The following NDST3 variants were observed in gnomAD, a reference collection of about 807,000 sequenced individuals.
NDST3 encodes the protein N-deacetylase and N-sulfotransferase 3.
A neutral mutation model predicts 96.1 loss-of-function variants in NDST3; 58 were observed. The observed-to-expected ratio is 0.60, with a 90% CI of 0.49 to 0.75. The LOEUF (loss-of-function observed/expected upper bound fraction) is 0.75. Among genes scored for constraint, NDST3 ranks in the 30% least tolerant of loss-of-function variants. The probability of loss-of-function intolerance (pLI) is 0.00; values close to 1 mark genes in which losing one functional copy is unlikely to be tolerated. For synonymous variants in NDST3, 333 were observed against 359.7 expected (o/e 0.93, Z 0.84); for missense variants, 788 against 1,034.2 (o/e 0.76, Z 3.27).
chr4:118,037,418 CTG>C (rs1051349926), intron 1 of NDST3, among the ~76,000 whole-genome samples: 10 of 152,168 alleles, frequency 6.6e-5, no homozygotes, highest in African/African-American at 2.2e-4. Flanking sequence ...AATTGAGGCA[CTG>C]AGCGGTTACC....
intron 4 of NDST3, among the ~76,000 whole-genome samples, chr4:118,116,555 C>T (rs1347740357): frequency 6.6e-6 from 1 of 152,186 alleles, no homozygotes; most frequent in African/African-American, 2.4e-5. Flanking sequence ...TTTGGAAGTA[C>T]ATATCCTAAG....
At chr4:118,247,339 G>T (rs1166412523) in intron 12 of NDST3, among the ~76,000 whole-genome samples, 1 of 152,108 alleles carries the variant, frequency 6.6e-6, no homozygotes, top group African/African-American at 2.4e-5. Context: ...ATCACCCGAG[G>T]TCAGGAGTTC....
chr4:118,145,254 G>A (rs1197882818), intron 6 of NDST3, among the ~76,000 whole-genome samples: 1 of 152,170 alleles, frequency 6.6e-6, no homozygotes, highest in African/African-American at 2.4e-5. Flanking sequence ...TGAAGAAGCA[G>A]TTAAAACACT....
chr4:118,067,411 A>G (rs1726680690), intron 2 of NDST3, among the ~76,000 whole-genome samples: 2 of 152,212 alleles, frequency 1.3e-5, no homozygotes, highest in East Asian at 3.9e-4. Flanking sequence ...CTTATGTGAT[A>G]CAGGGACACT....
chr4:118,228,741 TC>T (rs1553947156), intron 8 of NDST3, among the ~76,000 whole-genome samples: 1 of 151,626 alleles, frequency 6.6e-6, no homozygotes, highest in Non-Finnish European at 1.5e-5. Context: ...TTGCAGTCTA[TC>T]CCCCCCGATC....
At chr4:118,149,505 CT>C (rs1734223133) in intron 6 of NDST3, among the ~76,000 whole-genome samples, 1 of 137,268 alleles carries the variant, frequency 7.3e-6, no homozygotes, top group Non-Finnish European at 1.6e-5. Flanking sequence ...GTATTTTATT[CT>C]CTTTGAAGCA....
At chr4:118,042,507 A>G (rs1188249531) in intron 1 of NDST3, among the ~76,000 whole-genome samples, 1 of 152,084 alleles carries the variant, frequency 6.6e-6, no homozygotes, top group Non-Finnish European at 1.5e-5. Context: ...TACTACACTA[A>G]TCATCTGTAA....
At chr4:118,042,202 T>A (rs1436205847) in intron 1 of NDST3, among the ~76,000 whole-genome samples, 1 of 152,200 alleles carries the variant, frequency 6.6e-6, no homozygotes, top group Non-Finnish European at 1.5e-5. Context: ...ATTTCCCCTC[T>A]TAGTTTTATG....
intron 6 of NDST3, among the ~76,000 whole-genome samples, chr4:118,159,059 T>C (rs865944352): frequency 1.2e-4 from 18 of 152,304 alleles, no homozygotes; most frequent in South Asian, 4.1e-4. Context: ...TCCCAGCTTC[T>C]AGCTTCTCCC....
intron 5 of NDST3, among the ~76,000 whole-genome samples, chr4:118,143,033 A>G (rs1733679595): frequency 6.6e-6 from 1 of 152,194 alleles, no homozygotes; most frequent in South Asian, 2.1e-4. Flanking sequence ...CTTTCAGACG[A>G]GAACAGATAC....
chr4:118,135,314 A>C (rs1336008368), intron 4 of NDST3, among the ~76,000 whole-genome samples: 1 of 152,164 alleles, frequency 6.6e-6, no homozygotes, highest in Non-Finnish European at 1.5e-5. Flanking sequence ...TCTCATGAGA[A>C]AGAATCCCAA....
At chr4:118,038,884 A>G (rs1724292965) in intron 1 of NDST3, among the ~76,000 whole-genome samples, 1 of 152,136 alleles carries the variant, frequency 6.6e-6, no homozygotes, top group South Asian at 2.1e-4. Context: ...TCATTTAGAA[A>G]TTGATTTTTA....
rs1356274434 is a variant in NDST3 at position 118,170,887 on chromosome 4, T to C, written c.1539+27203T>C. On this transcript the variant is annotated intron_variant, in intron 6 of 13. Coordinates refer to ENST00000296499, the MANE Select transcript of NDST3 (RefSeq NM_004784.3). ...AAGAGAAAGTAAAATATAAGTCAGA[T>C]AGCATTATTTTTCTGCTCACAACCC... Among the ~76,000 whole-genome samples, 4 of 152,138 alleles carry C rather than the reference T, an allele frequency of 2.6e-5. No individual in the cohort carries two copies. In the East Asian group the frequency reaches 7.7e-4, roughly 29 times the overall value.
At chr4:118,168,956 T>A (rs1210805078) in intron 6 of NDST3, among the ~76,000 whole-genome samples, 1 of 152,232 alleles carries the variant, frequency 6.6e-6, no homozygotes, top group East Asian at 1.9e-4. Context: ...AGATTTATGA[T>A]TGCCAGGAGC....
intron 2 of NDST3, among the ~76,000 whole-genome samples, chr4:118,056,561 C>G (rs1020535328): frequency 9.2e-5 from 14 of 151,940 alleles, no homozygotes; most frequent in Non-Finnish European, 4.4e-5. Context: ...CACTAATTTA[C>G]TACAGTCAAT....
At chr4:118,132,394 T>G (rs895542746) in intron 4 of NDST3, among the ~76,000 whole-genome samples, 3 of 152,124 alleles carry the variant, frequency 2.0e-5, no homozygotes, top group Admixed American at 1.3e-4. Flanking sequence ...CAATTTTCAC[T>G]TAAGCCCAAG....
intron 8 of NDST3, among the ~76,000 whole-genome samples, chr4:118,229,865 T>C (rs139188520): frequency 0.02 from 3,050 of 152,288 alleles, 41 homozygotes; most frequent in South Asian, 0.034. Context: ...TTTAATGTAT[T>C]TATTTATTGT....
chr4:118,114,786 T>A lies in NDST3; in HGVS notation c.1070-20T>A, dbSNP rs200682774. 6.0e-5 allele frequency: 90 copies of A among 1,506,918 alleles called. No individual in the cohort carries two copies. The African/African-American group carries it at 1.4e-3, about 24-fold the overall frequency. 93.3% of individuals were successfully genotyped at this position (1,506,918 alleles called of 1,614,324 possible). On this transcript the variant is annotated intron_variant, in intron 3 of 13. Coordinates refer to ENST00000296499, the MANE Select transcript of NDST3 (RefSeq NM_004784.3). ...ATCAGTGTAACTGGAATTAATTGGATAATATTTCCCCCCCTAAAGGAACTG... is the reference window on the plus strand; with the variant it reads ...ATCAGTGTAACTGGAATTAATTGGAAAATATTTCCCCCCCTAAAGGAACTG...
intron 2 of NDST3, among the ~76,000 whole-genome samples, chr4:118,080,130 C>T (rs899843543): frequency 1.3e-5 from 2 of 152,040 alleles, no homozygotes; most frequent in Non-Finnish European, 2.9e-5. Context: ...CTCAGATGTG[C>T]CTTACGGATT....
Sources: allele counts gnomAD v4.1 joint callset (sites outside exome capture counted in the v4.1 genomes callset), GRCh38; gene constraint gnomAD v4.1.1; transcripts MANE v1.5; gene names NCBI Gene and HGNC (gene_info 2026-07-23, HGNC 2026-07-21).